Variants in CEP112 observed in about 807,000 individuals in gnomAD.
CEP112 encodes centrosomal protein 112.
A neutral mutation model predicts 153.0 loss-of-function variants in CEP112; 127 were observed. The ratio of observed to expected loss-of-function variants is 0.83; its 90% confidence interval spans 0.72 to 0.96. The LOEUF (loss-of-function observed/expected upper bound fraction) is 0.96. Ranked by LOEUF, CEP112 falls within the 40% of genes least tolerant of loss-of-function variation. The pLI is 0.00. For synonymous variants in CEP112, 358 were observed against 374.4 expected, an observed-to-expected ratio of 0.96 and a Z score of 0.51; for missense variants, 1,089 against 1,101.2, an observed-to-expected ratio of 0.99 and a Z score of 0.16.
intron 17 of CEP112, among the ~76,000 whole-genome samples, chr17:65,984,896 C>T (rs1599259056): frequency 1.3e-5 from 2 of 151,850 alleles, no homozygotes; most frequent in African/African-American, 2.4e-5. Context: ...AGAGGGATGA[C>T]GAAAACCAAA....
intron 12 of CEP112, among the ~76,000 whole-genome samples, chr17:66,034,546 G>A (rs916828915): frequency 6.6e-6 from 1 of 151,266 alleles, no homozygotes; most frequent in African/African-American, 2.4e-5. Context: ...AAAGAAAAAG[G>A]GTTTCTGTTA....
At chr17:65,735,342 C>T (rs926406958) in intron 23 of CEP112, among the ~76,000 whole-genome samples, 4 of 152,130 alleles carry the variant, frequency 2.6e-5, no homozygotes, top group Non-Finnish European at 5.9e-5. Context: ...CATACTCATA[C>T]AGACACAGAA....
intron 21 of CEP112, among the ~76,000 whole-genome samples, chr17:65,769,320 AT>A (rs922936475): frequency 2.0e-5 from 3 of 152,064 alleles, no homozygotes; most frequent in African/African-American, 7.2e-5. Flanking sequence ...CAGAATTAAT[AT>A]TTTTTAAATG....
intron 21 of CEP112, among the ~76,000 whole-genome samples, chr17:65,807,843 A>T (rs2055703222): frequency 6.6e-6 from 1 of 152,238 alleles, no homozygotes. Flanking sequence ...GAGAACCTCT[A>T]GTAAAGCAGT....
At chr17:65,864,873 T>C (rs1296367749) in intron 20 of CEP112, among the ~76,000 whole-genome samples, 3 of 151,964 alleles carry the variant, frequency 2.0e-5, no homozygotes, top group South Asian at 4.2e-4. Context: ...ATAGCCACTA[T>C]AGCCACTCCT....
chr17:65,647,630 C>A (rs964769524), intron 24 of CEP112, among the ~76,000 whole-genome samples: 3 of 140,104 alleles, frequency 2.1e-5, no homozygotes, highest in African/African-American at 5.7e-5. Flanking sequence ...GTGCGTGCCA[C>A]CATGCCCAGC....
At chr17:65,745,668 C>CA (rs2051403172) in intron 22 of CEP112, among the ~76,000 whole-genome samples, 2 of 152,076 alleles carry the variant, frequency 1.3e-5, no homozygotes, top group African/African-American at 4.8e-5. Flanking sequence ...CAGAGAATGA[C>CA]AGAGAGAGGG....
chr17:65,960,596 A>T (rs947346017), intron 18 of CEP112, among the ~76,000 whole-genome samples: 1 of 152,210 alleles, frequency 6.6e-6, no homozygotes, highest in Non-Finnish European at 1.5e-5. Flanking sequence ...GTACTTTATC[A>T]TTGCTAGATT....
chr17:65,912,960 CA>C (rs1278460720), intron 19 of CEP112, among the ~76,000 whole-genome samples: 1 of 152,000 alleles, frequency 6.6e-6, no homozygotes, highest in Admixed American at 6.6e-5. Flanking sequence ...TTGTGTTTGC[CA>C]TTACTTTCAA....
chr17:65,708,391 G>A (rs1182494502), intron 23 of CEP112, among the ~76,000 whole-genome samples: 2 of 152,100 alleles, frequency 1.3e-5, no homozygotes, highest in Admixed American at 1.3e-4. Flanking sequence ...AAATAATACA[G>A]GCTAATTGAA....
intron 10 of CEP112, among the ~76,000 whole-genome samples, chr17:66,065,937 A>C (rs553048002): frequency 2.0e-5 from 3 of 152,026 alleles, no homozygotes; most frequent in Admixed American, 6.6e-5. Flanking sequence ...CCTAAAATCT[A>C]TCTCTTAATG....
chr17:65,915,202 G>A (rs906536137), intron 19 of CEP112, among the ~76,000 whole-genome samples: 6 of 152,092 alleles, frequency 3.9e-5, no homozygotes, highest in African/African-American at 1.4e-4. Context: ...CTCTACTCAT[G>A]TATCAGTGTC....
chr17:65,824,601 G>A (rs2056749003), intron 21 of CEP112, among the ~76,000 whole-genome samples: 1 of 152,212 alleles, frequency 6.6e-6, no homozygotes, highest in East Asian at 1.9e-4. Context: ...CTGAGTTGGT[G>A]TGGAAAGGAG....
intron 20 of CEP112, among the ~76,000 whole-genome samples, chr17:65,886,119 A>G (rs2146663127): frequency 6.6e-6 from 1 of 152,174 alleles, no homozygotes; most frequent in East Asian, 1.9e-4. Flanking sequence ...TTCCACATCA[A>G]TTTATTCAAA....
At chr17:65,888,499 C>T (rs1321755947) in intron 20 of CEP112, among the ~76,000 whole-genome samples, 2 of 149,872 alleles carry the variant, frequency 1.3e-5, no homozygotes, top group Non-Finnish European at 3.0e-5. Context: ...TTAAGATGAT[C>T]TTTTTTTTTT....
intron 8 of CEP112, 110 bp from the exon 9 acceptor site, chr17:66,070,111 C>T: frequency 4.7e-6 from 3 of 634,334 alleles, no homozygotes; most frequent in Non-Finnish European, 8.3e-6. Context: ...CATTTTCCAC[C>T]TTTACCTTGT....
intron 17 of CEP112, among the ~76,000 whole-genome samples, chr17:65,964,092 G>T (rs1213844645): frequency 2.6e-5 from 4 of 152,174 alleles, no homozygotes; most frequent in Non-Finnish European, 5.9e-5. Context: ...CAGCAATGGG[G>T]TACAGGATTC....
At chr17:65,766,717 A>AG (rs2053001937) in intron 21 of CEP112, among the ~76,000 whole-genome samples, 1 of 151,788 alleles carries the variant, frequency 6.6e-6, no homozygotes, top group Admixed American at 6.6e-5. Flanking sequence ...TAAAAAAAAA[A>AG]AAAGAGAGAA....
At chr17:65,895,262 A>G (rs773153099) in intron 20 of CEP112, among the ~76,000 whole-genome samples, 3 of 152,058 alleles carry the variant, frequency 2.0e-5, no homozygotes, top group Non-Finnish European at 4.4e-5. Context: ...AAGGTATTAA[A>G]GGGTTGCATA....
Sources: gnomAD v4.1 joint callset for allele counts (sites outside exome capture counted in the v4.1 genomes callset) on GRCh38, gnomAD v4.1.1 for gene constraint, MANE v1.5 for transcripts, NCBI Gene and HGNC (gene_info 2026-07-23, HGNC 2026-07-21) for gene names.